The following DENND10 variants were observed in gnomAD, a reference collection of about 807,000 sequenced individuals.
DENND10 encodes DENN domain-containing protein 10.
A neutral mutation model predicts 43.6 loss-of-function variants in DENND10; 24 were observed. That is an observed-to-expected ratio of 0.55 (90% CI 0.40 to 0.77). The LOEUF (loss-of-function observed/expected upper bound fraction) is 0.77, where lower values mean the gene tolerates loss of function less well. Among genes scored for constraint, DENND10 ranks in the 30% least tolerant of loss-of-function variants. The probability of loss-of-function intolerance (pLI) is 0.00; values close to 1 mark genes in which losing one functional copy is unlikely to be tolerated. For missense variants in DENND10, 303 were observed against 429.9 expected, an observed-to-expected ratio of 0.70 and a Z score of 2.61; for synonymous variants, 125 against 157.6, an observed-to-expected ratio of 0.79 and a Z score of 1.55.
At chr10:119,118,739 C>T (rs1436602166) in intron 4 of DENND10, among the ~76,000 whole-genome samples, 1 of 151,830 alleles carries the variant, frequency 6.6e-6, no homozygotes, top group South Asian at 2.1e-4. Flanking sequence ...GGTACAATTA[C>T]GGCTCACTGT....
At chr10:119,120,672 G>T (rs1845529131) in intron 5 of DENND10, among the ~76,000 whole-genome samples, 1 of 152,160 alleles carries the variant, frequency 6.6e-6, no homozygotes, top group Admixed American at 6.6e-5. Context: ...ACTTTTCCTT[G>T]CCAGACAGTA....
chr10:119,125,676 T>G (rs1845798551), intron 6 of DENND10, among the ~76,000 whole-genome samples: 1 of 151,474 alleles, frequency 6.6e-6, no homozygotes, highest in Non-Finnish European at 1.5e-5. Flanking sequence ...CCCAGCTAAT[T>G]TTTTTGTATT....
intron 6 of DENND10, 98 bp downstream of exon 6, chr10:119,123,667 T>TCCCAGG (rs1845692962): frequency 1.1e-6 from 1 of 912,134 alleles, no homozygotes; most frequent in Admixed American, 2.1e-5. Flanking sequence ...TGGAGTGCAA[T>TCCCAGG]GGCACGATCT....
intron 2 of DENND10, among the ~76,000 whole-genome samples, chr10:119,109,659 C>T (rs952335432): frequency 6.6e-5 from 10 of 151,372 alleles, no homozygotes; most frequent in Admixed American, 5.9e-4. Context: ...GCTCTTGTTG[C>T]CCGGGCTGGA....
chr10:119,108,517 A>G (rs1844815260), intron 2 of DENND10, among the ~76,000 whole-genome samples: 1 of 151,338 alleles, frequency 6.6e-6, no homozygotes, highest in Non-Finnish European at 1.5e-5. Context: ...AATATTAAAT[A>G]TTATTTTCAT....
intron 6 of DENND10, among the ~76,000 whole-genome samples, chr10:119,125,893 C>G (rs1335132213): frequency 6.6e-6 from 1 of 152,032 alleles, no homozygotes; most frequent in East Asian, 1.9e-4. Flanking sequence ...AATACTAGGT[C>G]TTATTCATTC....
chr10:119,133,270 T>C (rs778644476), intron 8 of DENND10: 21 of 152,932 alleles, frequency 1.4e-4, no homozygotes, highest in Non-Finnish European at 2.8e-4. Flanking sequence ...TCCTGAAGGA[T>C]ACACTTCCAG....
At chr10:119,133,809 A>G (rs553511126) in intron 8 of DENND10, 7 of 152,236 alleles carry the variant, frequency 4.6e-5, no homozygotes, top group Non-Finnish European at 7.3e-5. Context: ...GGGAATCCTC[A>G]CTGCCCACCT....
chr10:119,129,372 T>C, intron 6 of DENND10, 143 bp from the exon 7 acceptor site: 6 of 623,388 alleles, frequency 9.6e-6, no homozygotes, highest in East Asian at 2.8e-5. Flanking sequence ...GTAGTCTTAC[T>C]AACTGCCACA....
Position 119,136,471 on chromosome 10 carries a change from G to T in DENND10, c.898G>T (p.Asp300Tyr). ...PEKSESHVIQ[D>Y]IALKTREIFT... ...CATATATTTTCCTGTTCTATTAAAG[G>T]ATATTGCTCTAAAAACAAGAGAAAT... The change falls in exon 9 of 9, where the codon GAT (aspartate) becomes TAT (tyrosine). Residue 300 changes from aspartate (D) to tyrosine (Y), a missense_variant and splice_region_variant. Coordinates refer to ENST00000361432, the MANE Select transcript of DENND10 (RefSeq NM_207009.4). The T allele has an allele frequency of 6.2e-7, 1 of 1,601,822 alleles. No individual in the cohort carries two copies. The highest frequency in any genetic ancestry group is 1.8e-5 in the Admixed American group (1 of 55,822).
intron 4 of DENND10, among the ~76,000 whole-genome samples, chr10:119,118,512 G>A (rs773072193): frequency 1.8e-4 from 27 of 152,152 alleles, no homozygotes; most frequent in Admixed American, 1.6e-3. Flanking sequence ...TGAAGGCGAG[G>A]CTGCCCTCTG....
intron 8 of DENND10, among the ~76,000 whole-genome samples, chr10:119,136,124 G>A (rs60056247): frequency 0.055 from 8,341 of 152,228 alleles, 784 homozygotes; most frequent in African/African-American, 0.19. Context: ...GCTGCAGTGA[G>A]CCATGATTGA....
chr10:119,129,422 G>C (rs1845981911), intron 6 of DENND10, 93 bp from the exon 7 acceptor site: 1 of 757,940 alleles, frequency 1.3e-6, no homozygotes, highest in Admixed American at 2.1e-5. Context: ...AGCAGTGAAA[G>C]AGAGCAGTCG....
chr10:119,123,376 C>T (rs1267742193), intron 5 of DENND10, 93 bp from the exon 6 acceptor site: 1 of 900,560 alleles, frequency 1.1e-6, no homozygotes, highest in African/African-American at 1.6e-5. Flanking sequence ...ACTCTACCCT[C>T]TTCATTTCCT....
intron 6 of DENND10, among the ~76,000 whole-genome samples, chr10:119,127,150 C>T (rs1013933889): frequency 3.3e-5 from 5 of 151,398 alleles, no homozygotes; most frequent in East Asian, 2.0e-4. Flanking sequence ...ACAGTCCTCC[C>T]GCCTTGGCCT....
intron 6 of DENND10, among the ~76,000 whole-genome samples, chr10:119,126,212 A>G (rs1384789509): frequency 1.3e-5 from 2 of 151,354 alleles, no homozygotes; most frequent in Non-Finnish European, 3.0e-5. Flanking sequence ...GTTGATGGAC[A>G]CTCAGTTTGA....
rs1413983325 is a variant in DENND10 at position 119,120,401 on chromosome 10, A to G, written c.542A>G (p.Lys181Arg). 1.9e-6 allele frequency: 3 copies of G among 1,613,416 alleles called. No homozygotes were observed. The highest frequency in any genetic ancestry group is 3.3e-5 in the Admixed American group (2 of 59,998). ...VILHTALMLKKRIVVYHPKIE... is the reference protein window; with the variant it reads ...VILHTALMLKRRIVVYHPKIE... The stretch of plus-strand genomic sequence containing the variant: ...TTACACACAGCACTGATGCTAAAGA[A>G]AAGAATTGTGGTGTATCACCCCAAG... Residue 181 changes from lysine (K) to arginine (R), a missense_variant, in exon 5 of 9, where the codon AAA (lysine) becomes AGA (arginine). Lys to Arg is a conservative substitution (Grantham distance 26). Transcript: ENST00000361432.
intron 4 of DENND10, among the ~76,000 whole-genome samples, chr10:119,117,960 C>T (rs556523562): frequency 1.9e-4 from 28 of 150,872 alleles, no homozygotes; most frequent in Middle Eastern, 3.4e-3. Flanking sequence ...GACGAGACTC[C>T]GTCTCAAAAA....
At chr10:119,107,807 T>A in intron 1 of DENND10, 161 bp from the exon 2 acceptor site, 2 of 664,702 alleles carry the variant, frequency 3.0e-6, no homozygotes, top group Non-Finnish European at 5.4e-6. Flanking sequence ...CTAGATAATT[T>A]GAGCAGTAGA....
Sources: allele counts gnomAD v4.1 joint callset (sites outside exome capture counted in the v4.1 genomes callset), GRCh38; gene constraint gnomAD v4.1.1; transcripts MANE v1.5; gene names NCBI Gene and HGNC (gene_info 2026-07-23, HGNC 2026-07-21).